Variants in TENM3 observed in about 807,000 individuals in gnomAD.
TENM3 encodes teneurin transmembrane protein 3.
TENM3 carries 63 observed loss-of-function variants against 255.1 expected under a neutral mutation model. The ratio of observed to expected loss-of-function variants is 0.25; its 90% confidence interval spans 0.20 to 0.30. The LOEUF is 0.30. Ranked by LOEUF, TENM3 falls within the 10% of genes least tolerant of loss-of-function variation. TENM3 has a pLI of 1.00. For synonymous variants in TENM3, 1,306 were observed against 1,322.3 expected (o/e 0.99, Z 0.27); for missense variants, 2,929 against 3,461.1 (o/e 0.85, Z 3.86).
chr4:181,727,576 GCATAC>G, the TENM3 span, among the ~76,000 whole-genome samples: 2 of 152,118 alleles, frequency 1.3e-5, no homozygotes, highest in African/African-American at 4.8e-5. Context: ...CTGTTGAAGA[GCATAC>G]ATTTCTTTAC....
At chr4:181,574,947 T>C in the TENM3 span, among the ~76,000 whole-genome samples, 1 of 152,186 alleles carries the variant, frequency 6.6e-6, no homozygotes, top group Non-Finnish European at 1.5e-5. Flanking sequence ...TCAAGTTCTG[T>C]TTTTCAGTCA....
intron 3 of TENM3, among the ~76,000 whole-genome samples, chr4:182,595,783 T>C (rs1366238445): frequency 6.6e-6 from 1 of 151,994 alleles, no homozygotes; most frequent in Non-Finnish European, 1.5e-5. Context: ...TTCTAAAATA[T>C]CTAAGAGCAT....
At chr4:181,507,924 C>A in the TENM3 span, among the ~76,000 whole-genome samples, 1 of 152,072 alleles carries the variant, frequency 6.6e-6, no homozygotes. Flanking sequence ...AAAGAAAAGG[C>A]GATTAAAATC....
chr4:181,451,596 G>A, the TENM3 span, among the ~76,000 whole-genome samples: 2 of 152,122 alleles, frequency 1.3e-5, no homozygotes, highest in Non-Finnish European at 2.9e-5. Flanking sequence ...GTCTGAGGAG[G>A]AACTGGAGAC....
the TENM3 span, among the ~76,000 whole-genome samples, chr4:181,657,739 C>T: frequency 6.6e-6 from 1 of 151,992 alleles, no homozygotes; most frequent in African/African-American, 2.4e-5. Context: ...AGATGCCCAT[C>T]AATGGTGAAT....
chr4:182,502,910 CTTTTTTTTTT>C (rs10671906), intron 3 of TENM3, among the ~76,000 whole-genome samples: 2 of 77,370 alleles, frequency 2.6e-5, no homozygotes, highest in African/African-American at 1.2e-4. Flanking sequence ...TGAAGTCAGC[CTTTTTTTTTT>C]TTTTTTTTTT....
At chr4:181,681,719 G>A in the TENM3 span, among the ~76,000 whole-genome samples, 3 of 151,248 alleles carry the variant, frequency 2.0e-5, no homozygotes, top group East Asian at 5.9e-4. Flanking sequence ...AAATTCACAG[G>A]CAAAATTTGG....
the TENM3 span, among the ~76,000 whole-genome samples, chr4:181,786,002 G>A: frequency 2.6e-5 from 4 of 152,134 alleles, no homozygotes; most frequent in South Asian, 2.1e-4. Context: ...ATGAAGTGAC[G>A]CTGGGCTGTA....
chr4:181,491,020 TA>T, the TENM3 span, among the ~76,000 whole-genome samples: 16 of 152,300 alleles, frequency 1.1e-4, no homozygotes, highest in East Asian at 3.1e-3. Flanking sequence ...CATTTTGTAA[TA>T]TCTTGCAAAC....
At chr4:182,121,671 A>T in the TENM3 span, among the ~76,000 whole-genome samples, 1 of 152,226 alleles carries the variant, frequency 6.6e-6, no homozygotes, top group Non-Finnish European at 1.5e-5. Flanking sequence ...TTTATCATTA[A>T]AAAATTCTAA....
At chr4:182,558,788 A>C (rs1407040647) in intron 3 of TENM3, among the ~76,000 whole-genome samples, 1 of 152,200 alleles carries the variant, frequency 6.6e-6, no homozygotes, top group Non-Finnish European at 1.5e-5. Context: ...GATATAAATC[A>C]GTTTTTATGC....
the TENM3 span, among the ~76,000 whole-genome samples, chr4:182,009,522 C>T: frequency 1.3e-5 from 2 of 152,188 alleles, no homozygotes; most frequent in African/African-American, 2.4e-5. Flanking sequence ...TGCCACAGCC[C>T]GTGCGTTGGG....
chr4:182,020,038 G>C, the TENM3 span, among the ~76,000 whole-genome samples: 2,890 of 152,066 alleles, frequency 0.019, 42 homozygotes, highest in Non-Finnish European at 0.028. Context: ...GAACTGCTTT[G>C]GGAATAGCTT....
chr4:182,737,032 A>C lies in TENM3; in HGVS notation c.3192A>C (p.Thr1064=). 1 of 1,613,834 alleles carries C rather than the reference A, an allele frequency of 6.2e-7. No individual in the cohort carries two copies. The highest frequency in any genetic ancestry group is 8.5e-7 in the Non-Finnish European group (1 of 1,179,772). The change falls in exon 17 of 28, where the codon ACA becomes ACC. Residue 1064 remains threonine, a synonymous_variant. Coordinates refer to ENST00000511685, the MANE Select transcript of TENM3 (RefSeq NM_001080477.4). The part of the protein sequence containing the change: ...NLAYTFIWDK[T]DAYNQKVYGL... ...CCTATACTTTCATATGGGATAAAAC[A>C]GATGCATATAATCAGAAAGTCTATG...
chr4:182,608,903 G>A (rs569738121), intron 4 of TENM3, among the ~76,000 whole-genome samples: 2 of 152,320 alleles, frequency 1.3e-5, no homozygotes, highest in South Asian at 4.1e-4. Context: ...GCTCAGGGGC[G>A]GCTTCCCTAT....
At chr4:182,386,613 T>G (rs146845391) in intron 3 of TENM3, among the ~76,000 whole-genome samples, 8,923 of 151,732 alleles carry the variant, frequency 0.059, 305 homozygotes, top group South Asian at 0.11. Context: ...GGGCCAGCTG[T>G]AGTTCCGGGT....
At chr4:181,965,070 G>C in the TENM3 span, among the ~76,000 whole-genome samples, 1 of 152,126 alleles carries the variant, frequency 6.6e-6, no homozygotes, top group Non-Finnish European at 1.5e-5. Flanking sequence ...TTTTCTGTTA[G>C]ATGTGTAAAA....
chr4:181,899,414 G>A, the TENM3 span, among the ~76,000 whole-genome samples: 6,523 of 152,010 alleles, frequency 0.043, 333 homozygotes, highest in African/African-American at 0.12. Context: ...CTAGAGAAAC[G>A]TAGAAAGAAA....
At chr4:182,224,822 C>T (rs1409613068) in intron 1 of TENM3, among the ~76,000 whole-genome samples, 2 of 151,674 alleles carry the variant, frequency 1.3e-5, no homozygotes, top group African/African-American at 2.4e-5. Context: ...CTGTAAACTC[C>T]GCCTCCCAGG....
Sources: allele counts gnomAD v4.1 joint callset (sites outside exome capture counted in the v4.1 genomes callset), GRCh38; gene constraint gnomAD v4.1.1; transcripts MANE v1.5; gene names NCBI Gene and HGNC (gene_info 2026-07-23, HGNC 2026-07-21).